TMEM132E: variants seen among roughly 807,000 people sequenced by gnomAD.
TMEM132E encodes transmembrane protein 132E.
Under a neutral mutation model 78.5 loss-of-function variants are expected in TMEM132E, and 49 were observed. The ratio of observed to expected loss-of-function variants is 0.62; its 90% CI spans 0.50 to 0.79. The LOEUF (loss-of-function observed/expected upper bound fraction) is 0.79, where lower values mean the gene tolerates loss of function less well. Among genes scored for constraint, TMEM132E ranks in the 30% least tolerant of loss-of-function variants. The probability of loss-of-function intolerance (pLI) is 0.00; values close to 1 mark genes in which losing one functional copy is unlikely to be tolerated. For missense variants in TMEM132E, 1,403 were observed against 1,470.9 expected, an observed-to-expected ratio of 0.95 and a Z score of 0.75; for synonymous variants, 715 against 670.6, an observed-to-expected ratio of 1.07 and a Z score of -1.02.
chr17:34,629,481 C>T (rs1907274097), intron 4 of TMEM132E, among the ~76,000 whole-genome samples: 1 of 152,102 alleles, frequency 6.6e-6, no homozygotes, highest in African/African-American at 2.4e-5. Context: ...GGTAGCAATG[C>T]AGTTGAGTCT....
rs1226093898 is a variant in TMEM132E at position 34,626,744 on chromosome 17, C to G, written c.685C>G (p.Gln229Glu). 7.3e-7 allele frequency: 1 copy of G among 1,376,168 alleles called. No homozygotes were observed. Among genetic ancestry groups the G allele is most frequent in the Non-Finnish European group, 9.6e-7 (1 of 1,044,192 alleles). 85.2% of individuals were successfully genotyped at this position (1,376,168 alleles called of 1,614,324 possible). The change falls in exon 2 of 9, where the codon CAG becomes GAG. Residue 229 changes from glutamine (Q) to glutamate (E), a missense_variant. Gln to Glu is a conservative substitution (Grantham distance 29, BLOSUM62 2). Transcript: ENST00000631683. ...LEPEATGESQ[Q>E]AELYYTLHAP... ...GCCCGAGGCGACGGGGGAGAGCCAGCAGGCCGAGCTCTACTACACGCTCCA... is the reference window on the plus strand; with the variant it reads ...GCCCGAGGCGACGGGGGAGAGCCAGGAGGCCGAGCTCTACTACACGCTCCA...
chr17:34,631,141 TCTC>T (rs369856677), intron 5 of TMEM132E, among the ~76,000 whole-genome samples: 14 of 152,298 alleles, frequency 9.2e-5, no homozygotes, highest in African/African-American at 3.1e-4. Context: ...CAGATGTCCT[TCTC>T]CTCCTTGTCA....
intron 1 of TMEM132E, among the ~76,000 whole-genome samples, chr17:34,585,887 C>G (rs552111249): frequency 6.6e-6 from 1 of 152,344 alleles, no homozygotes; most frequent in African/African-American, 2.4e-5. Flanking sequence ...TCTTGAAATT[C>G]AAAGCAGTTT....
intron 8 of TMEM132E, among the ~76,000 whole-genome samples, chr17:34,636,537 G>A (rs190208442): frequency 4.1e-4 from 62 of 152,342 alleles, no homozygotes; most frequent in Non-Finnish European, 3.5e-4. Flanking sequence ...GCCACAGGAT[G>A]AAAGTGGAAA....
chr17:34,594,714 T>C (rs7207118), intron 1 of TMEM132E, among the ~76,000 whole-genome samples: 115,447 of 152,130 alleles, frequency 0.76, 44,028 homozygotes, highest in African/African-American at 0.78. Context: ...CTCAGCCTCC[T>C]GAGTAGTAGC....
Position 34,636,179 on chromosome 17 carries a change from C to G in TMEM132E, c.2150C>G (p.Thr717Ser). 1 of 1,514,342 alleles carries G rather than the reference C, an allele frequency of 6.6e-7. No individual in the cohort carries two copies. Among genetic ancestry groups the G allele is most frequent in the Admixed American group, 2.3e-5 (1 of 43,258 alleles). 93.8% of individuals were successfully genotyped at this position (1,514,342 alleles called of 1,614,324 possible). A position where few individuals can be genotyped will look rare whatever the true frequency, so the allele number is the denominator to read the frequency against. Residue 717 changes from threonine (T) to serine (S), a missense_variant, in exon 8 of 9, where the codon ACC (threonine) becomes AGC (serine). Around this residue, in one of 3 missense-constraint regions of TMEM132E, gnomAD observed 888 missense variants for 952.8 expected, o/e 0.93. Coordinates refer to ENST00000631683, the MANE Select transcript of TMEM132E (RefSeq NM_001304438.2). ...TILATTAAQQ[T>S]LSFLKQEALL... is the part of the protein sequence containing the mutation. Reference sequence around the variant, plus strand: ...CTAGCCACCACAGCTGCCCAACAGACCTTGAGCTTCCTCAAGCAGGTAACT... The same window carrying G: ...CTAGCCACCACAGCTGCCCAACAGAGCTTGAGCTTCCTCAAGCAGGTAACT...
chr17:34,597,285 G>A (rs866152792), intron 1 of TMEM132E, among the ~76,000 whole-genome samples: 2 of 152,108 alleles, frequency 1.3e-5, no homozygotes, highest in South Asian at 2.1e-4. Flanking sequence ...CAACAGACGG[G>A]ATTCCCTTGG....
chr17:34,592,126 G>GT (rs1346259235), intron 1 of TMEM132E, among the ~76,000 whole-genome samples: 2 of 152,120 alleles, frequency 1.3e-5, no homozygotes, highest in Non-Finnish European at 2.9e-5. Flanking sequence ...TGGGATTTTT[G>GT]TTTTTTAACC....
At position 34,626,476 on chromosome 17, in the gene TMEM132E, G is replaced by T; in HGVS notation, c.417G>T (p.Gln139His). 1.2e-6 allele frequency: 2 copies of T among 1,612,702 alleles called. No individual in the cohort carries two copies. Residue 139 changes from glutamine (Q) to histidine (H), a missense_variant, in exon 2 of 9, where the codon CAG (glutamine) becomes CAT (histidine). Coordinates refer to ENST00000631683, the MANE Select transcript of TMEM132E (RefSeq NM_001304438.2). ...FIVRSHVPAS[Q>H]PVVQVLFYVA... ...TCCGCTCGCACGTGCCCGCCTCGCA[G>T]CCCGTGGTCCAGGTGCTGTTCTACG...
chr17:34,627,467 CGT>C (rs145658598), intron 2 of TMEM132E, among the ~76,000 whole-genome samples: 1,469 of 126,500 alleles, frequency 0.012, 10 homozygotes, highest in South Asian at 0.027. Flanking sequence ...CCAAAAGAAT[CGT>C]GTGTGTGTGT....
chr17:34,593,283 C>T (rs967012374), intron 1 of TMEM132E, among the ~76,000 whole-genome samples: 5 of 151,910 alleles, frequency 3.3e-5, no homozygotes, highest in Admixed American at 2.0e-4. Context: ...AAAATAAAAA[C>T]GTGTAATCAG....
chr17:34,616,292 G>T (rs1906777199), intron 1 of TMEM132E, among the ~76,000 whole-genome samples: 1 of 152,140 alleles, frequency 6.6e-6, no homozygotes, highest in African/African-American at 2.4e-5. Context: ...CCAACATTGG[G>T]TTCCAGCCAA....
In TMEM132E at chr17:34,626,235, G is replaced by C. The variant is rs1481662989; in HGVS notation, c.176G>C (p.Arg59Pro). Residue 59 changes from arginine (R) to proline (P), a missense_variant, in exon 2 of 9, where the codon CGG becomes CCG. Physicochemically the swap from Arg to Pro is moderately radical, Grantham distance 103. This residue lies in a region of TMEM132E where 511 missense variants were observed against 499.0 expected (regional missense o/e 1.02). Transcript: ENST00000631683. ...LSHTRLAFFL[R>P]EARPPSPAVA... ...CACACGCGGCTGGCCTTCTTCCTGC[G>C]GGAGGCGCGGCCCCCGTCACCCGCG... The C allele has an allele frequency of 1.3e-6, 2 of 1,592,848 alleles. No homozygotes were observed. Among genetic ancestry groups the C allele is most frequent in the Non-Finnish European group, 1.7e-6 (2 of 1,170,298 alleles).
chr17:34,580,887 G>T lies in TMEM132E; in HGVS notation c.-190G>T. ...AGCTGCGCCCCCACCGGCTCCGAGG[G>T]TGTAGCCGCCAGCGCCTGGGACGCC... On this transcript the variant is annotated 5_prime_UTR_variant, in exon 1 of 9. Coordinates refer to ENST00000631683, the MANE Select transcript of TMEM132E (RefSeq NM_001304438.2). 1 of 467,924 alleles carries T rather than the reference G, an allele frequency of 2.1e-6. No individual in the cohort carries two copies. The highest frequency in any genetic ancestry group is 3.8e-6 in the Non-Finnish European group (1 of 264,350). 29.0% of individuals were successfully genotyped at this position (467,924 alleles called of 1,614,324 possible).
intron 1 of TMEM132E, among the ~76,000 whole-genome samples, chr17:34,603,019 G>T (rs1377011521): frequency 6.6e-6 from 1 of 152,120 alleles, no homozygotes; most frequent in Non-Finnish European, 1.5e-5. Flanking sequence ...GCCTCCCAGG[G>T]AGGCACAGAG....
chr17:34,599,601 C>T (rs1906168182), intron 1 of TMEM132E, among the ~76,000 whole-genome samples: 1 of 152,220 alleles, frequency 6.6e-6, no homozygotes, highest in Non-Finnish European at 1.5e-5. Context: ...AAAACTAGAA[C>T]TCAGGCAGTG....
intron 2 of TMEM132E, among the ~76,000 whole-genome samples, chr17:34,627,902 G>C (rs555814795): frequency 1.2e-4 from 18 of 152,200 alleles, no homozygotes; most frequent in Non-Finnish European, 2.2e-4. Context: ...CAGAGATCTT[G>C]GGCTGCATTA....
chr17:34,627,467 C>CGTGTGTATGTGCGTGCGCGTGTGTGTGT (rs1555564404), intron 2 of TMEM132E, among the ~76,000 whole-genome samples: 2 of 126,470 alleles, frequency 1.6e-5, no homozygotes, highest in African/African-American at 6.0e-5. Flanking sequence ...CCAAAAGAAT[C>CGTGTGTATGTGCGTGCGCGTGTGTGTGT]GTGTGTGTGT....
intron 1 of TMEM132E, among the ~76,000 whole-genome samples, chr17:34,582,536 G>C (rs1041699609): frequency 9.2e-5 from 14 of 151,880 alleles, no homozygotes; most frequent in African/African-American, 3.4e-4. Flanking sequence ...TTTGCGTTCA[G>C]TTCACCAGAG....
Sources: gnomAD v4.1 joint callset for allele counts (sites outside exome capture counted in the v4.1 genomes callset) on GRCh38, gnomAD v4.1.1 for gene constraint, gnomAD v4.1.1 regional missense constraint, MANE v1.5 for transcripts, NCBI Gene and HGNC (gene_info 2026-07-23, HGNC 2026-07-21) for gene names.